Variants in OR3A3 observed in about 807,000 individuals in gnomAD.
OR3A3 encodes olfactory receptor 3A3.
For synonymous variants in OR3A3, 103 were observed against 163.9 expected, an observed-to-expected ratio of 0.63 and a Z score of 2.84; for missense variants, 275 against 391.4, an observed-to-expected ratio of 0.70 and a Z score of 2.51.
intron 2 of OR3A3, among the ~76,000 whole-genome samples, chr17:3,415,271 A>G (rs552985422): frequency 6.6e-6 from 1 of 151,716 alleles, no homozygotes; most frequent in African/African-American, 2.4e-5. Flanking sequence ...TATTTTTAAG[A>G]GTTTTCCAGC....
rs187584508 is a variant in OR3A3, at chr17:3,420,062, C to T, written c.-6-518C>T. On this transcript the variant is annotated intron_variant, in intron 2 of 2. Transcript: ENST00000641141. ...GATTACAGGCATGAGCCACTGCGCC[C>T]GGGGAAAATTCTATCTTAATCTCAC... Among the ~76,000 whole-genome samples the T allele has an allele frequency of 1.5e-3, 233 of 152,176 alleles. 4 individuals are homozygous for T. The highest frequency in any genetic ancestry group is 0.015 in the Admixed American group (223 of 15,276).
exon 3 of OR3A3, chr17:3,421,115 T>A (rs2072431367): frequency 1.2e-6 from 2 of 1,613,984 alleles, no homozygotes; most frequent in East Asian, 4.5e-5. Context: ...CCCAATGAGG[T>A]CAATCACTTC....
intron 2 of OR3A3, among the ~76,000 whole-genome samples, chr17:3,420,002 C>G (rs528519693): frequency 6.0e-4 from 91 of 152,166 alleles, no homozygotes; most frequent in Admixed American, 1.2e-3. Flanking sequence ...CTCCTGACCT[C>G]GTGATCCGCC....
exon 3 of OR3A3, chr17:3,422,270 T>C (rs1356822506): frequency 6.6e-6 from 1 of 152,224 alleles, no homozygotes; most frequent in East Asian, 1.9e-4. Context: ...AAAGAGCTAC[T>C]AAATAAAAAC....
exon 3 of OR3A3, chr17:3,421,233 C>T (rs374022695): frequency 8.1e-6 from 13 of 1,614,104 alleles, no homozygotes; most frequent in Non-Finnish European, 1.0e-5. Context: ...CCTTGGTCTT[C>T]ATCAGTGTGT....
intron 2 of OR3A3, among the ~76,000 whole-genome samples, chr17:3,414,024 A>T (rs1285077657): frequency 6.6e-6 from 1 of 152,080 alleles, no homozygotes; most frequent in Non-Finnish European, 1.5e-5. Context: ...GACTCCAGTG[A>T]GATGCACGTT....
At chr17:3,417,042 T>C (rs2072396371) in intron 2 of OR3A3, among the ~76,000 whole-genome samples, 1 of 152,152 alleles carries the variant, frequency 6.6e-6, no homozygotes, top group South Asian at 2.1e-4. Flanking sequence ...TTCAATTTTC[T>C]ATTGGGCTAT....
At chr17:3,413,285 G>T (rs1188846292) in intron 2 of OR3A3, among the ~76,000 whole-genome samples, 1 of 152,172 alleles carries the variant, frequency 6.6e-6, no homozygotes, top group Non-Finnish European at 1.5e-5. Flanking sequence ...AGATGGGAAA[G>T]TTTCACGGAA....
intron 2 of OR3A3, among the ~76,000 whole-genome samples, chr17:3,415,390 A>G (rs1448729073): frequency 6.6e-6 from 1 of 151,542 alleles, no homozygotes; most frequent in African/African-American, 2.4e-5. Context: ...GTGAAACCCT[A>G]TCTCTACTAA....
At chr17:3,419,884 G>T (rs1307392854) in intron 2 of OR3A3, among the ~76,000 whole-genome samples, 1 of 151,912 alleles carries the variant, frequency 6.6e-6, no homozygotes, top group Non-Finnish European at 1.5e-5. Flanking sequence ...TCCTGCCTCA[G>T]CCTCCCGAGT....
chr17:3,419,940 T>G (rs1314185143), intron 2 of OR3A3, among the ~76,000 whole-genome samples: 1 of 152,016 alleles, frequency 6.6e-6, no homozygotes, highest in African/African-American at 2.4e-5. Flanking sequence ...TGATTTTTTT[T>G]GTATTTTTAG....
At chr17:3,419,958 G>A (rs1245638967) in intron 2 of OR3A3, among the ~76,000 whole-genome samples, 6 of 151,940 alleles carry the variant, frequency 3.9e-5, no homozygotes, top group South Asian at 2.1e-4. Flanking sequence ...TAGTAGAGAC[G>A]GGGTTTCGCT....
chr17:3,421,807 G>C, exon 3 of OR3A3: 1 of 336,334 alleles, frequency 3.0e-6, no homozygotes, highest in African/African-American at 2.1e-5. Flanking sequence ...ATGCTATAAA[G>C]GTAGGCTAAA....
chr17:3,417,860 A>C (rs867032260), intron 2 of OR3A3, among the ~76,000 whole-genome samples: 1 of 152,224 alleles, frequency 6.6e-6, no homozygotes, highest in Non-Finnish European at 1.5e-5. Context: ...TACTAGGACT[A>C]TCTCAGAATG....
intron 1 of OR3A3, among the ~76,000 whole-genome samples, 196 bp downstream of exon 1, chr17:3,411,680 AAAAAG>A (rs779692753): frequency 3.9e-5 from 6 of 152,222 alleles, no homozygotes; most frequent in South Asian, 2.1e-4. Context: ...GTCTCAAAGA[AAAAAG>A]AAAAGAAAAG....
At chr17:3,411,773 A>C (rs2072363602) in intron 1 of OR3A3, among the ~76,000 whole-genome samples, 1 of 152,218 alleles carries the variant, frequency 6.6e-6, no homozygotes, top group African/African-American at 2.4e-5. Flanking sequence ...GGACATAGGC[A>C]AGTCCTGTAG....
chr17:3,415,797 A>AAATAAT (rs148194818), intron 2 of OR3A3, among the ~76,000 whole-genome samples: 1 of 68,048 alleles, frequency 1.5e-5, no homozygotes, highest in African/African-American at 4.6e-5. Flanking sequence ...ACTTATTTTT[A>AAATAAT]AATTATTATT....
At chr17:3,415,263 T>C (rs572204091) in intron 2 of OR3A3, among the ~76,000 whole-genome samples, 102 of 152,016 alleles carry the variant, frequency 6.7e-4, no homozygotes, top group Non-Finnish European at 1.4e-3. Flanking sequence ...TACTTTCATA[T>C]TTTTAAGAGT....
rs369402633 is a variant in OR3A3, at chr17:3,416,565, A to C, written c.-6-4015A>C. Among the ~76,000 whole-genome samples the C allele has an allele frequency of 1.7e-4, 26 of 152,232 alleles. No individual in the cohort carries two copies. The East Asian group carries it at 3.7e-3, about 21-fold the overall frequency. ...TTGCTTTTCATTAGTGGCAATTGGA[A>C]GCTAGCTCTTTCTCTACTTTTTCTA... On this transcript the variant is annotated intron_variant, in intron 2 of 2. Transcript: ENST00000641141.
Sources: allele counts gnomAD v4.1 joint callset (sites outside exome capture counted in the v4.1 genomes callset), GRCh38; gene constraint gnomAD v4.1.1; transcripts MANE v1.5; gene names NCBI Gene and HGNC (gene_info 2026-07-23, HGNC 2026-07-21).